Variants in PRKG1 observed in about 807,000 individuals in gnomAD.
The protein encoded by PRKG1 is protein kinase cGMP-dependent 1.
A neutral mutation model predicts 88.1 loss-of-function variants in PRKG1; 35 were observed. That is an observed-to-expected ratio of 0.40 (90% CI 0.30 to 0.53). PRKG1 has a LOEUF of 0.53. Ranked by LOEUF, PRKG1 falls within the 20% of genes least tolerant of loss-of-function variation. PRKG1 has a pLI of 0.59. For missense variants in PRKG1, 540 were observed against 839.8 expected, an observed-to-expected ratio of 0.64 and a Z score of 4.41; for synonymous variants, 303 against 292.5, an observed-to-expected ratio of 1.04 and a Z score of -0.37.
intron 3 of PRKG1, among the ~76,000 whole-genome samples, chr10:51,712,118 A>T (rs1446545454): frequency 6.6e-6 from 1 of 152,222 alleles, no homozygotes; most frequent in Non-Finnish European, 1.5e-5. Flanking sequence ...GCTAAGTTTG[A>T]TGAAGATTGG....
chr10:51,564,036 G>A (rs1718332025), intron 3 of PRKG1, among the ~76,000 whole-genome samples: 1 of 152,062 alleles, frequency 6.6e-6, no homozygotes, highest in African/African-American at 2.4e-5. Context: ...CTTTGATCAG[G>A]TCAGCTAAGA....
intron 3 of PRKG1, among the ~76,000 whole-genome samples, chr10:51,488,645 C>T (rs2132864843): frequency 6.6e-6 from 1 of 152,186 alleles, no homozygotes. Flanking sequence ...ATCTTTGAAT[C>T]TACTATCCAA....
At chr10:51,441,261 GCTCTTGTT>G (rs1480905313) in intron 2 of PRKG1, among the ~76,000 whole-genome samples, 2 of 151,868 alleles carry the variant, frequency 1.3e-5, no homozygotes, top group Non-Finnish European at 2.9e-5. Flanking sequence ...AGTCAGTTTT[GCTCTTGTT>G]CTCTCTGATA....
chr10:51,268,119 G>GT (rs1839884517), intron 2 of PRKG1, among the ~76,000 whole-genome samples: 1 of 152,142 alleles, frequency 6.6e-6, no homozygotes, highest in Non-Finnish European at 1.5e-5. Flanking sequence ...AAACCAGCAA[G>GT]TTTTTTTAGT....
chr10:51,808,148 AT>A (rs1373158968), intron 4 of PRKG1, among the ~76,000 whole-genome samples: 1 of 152,162 alleles, frequency 6.6e-6, no homozygotes, highest in Admixed American at 6.5e-5. Flanking sequence ...AATTACTTTT[AT>A]CTCCCTGTTT....
At chr10:51,418,058 G>A (rs143336584) in intron 2 of PRKG1, among the ~76,000 whole-genome samples, 87 of 152,238 alleles carry the variant, frequency 5.7e-4, no homozygotes, top group African/African-American at 6.3e-4. Flanking sequence ...AATGTTTATC[G>A]TTTTTATTCT....
intron 5 of PRKG1, among the ~76,000 whole-genome samples, chr10:52,048,808 C>G (rs73341279): frequency 1.1e-3 from 165 of 152,218 alleles, no homozygotes; most frequent in African/African-American, 3.9e-3. Flanking sequence ...CTTTCTCTAT[C>G]TATCCTCCTA....
chr10:51,004,749 G>GA lies in PRKG1; in HGVS notation c.266+13115dup, dbSNP rs529904706. Among the ~76,000 whole-genome samples the GA allele has an allele frequency of 2.6e-3, 385 of 147,998 alleles. 2 individuals carry two copies. The highest frequency in any genetic ancestry group is 7.9e-3 in the African/African-American group (319 of 40,496). The stretch of plus-strand genomic sequence containing the variant: ...GTGTGCCTGTGTGTGTGTTTAAGCT[G>GA]AAAAAAAAAATTAATTGCTACAGTG... On this transcript the variant is annotated intron_variant, in intron 1 of 17. Transcript: ENST00000401604.
At chr10:51,906,708 C>A (rs1010894175) in intron 4 of PRKG1, among the ~76,000 whole-genome samples, 1 of 152,144 alleles carries the variant, frequency 6.6e-6, no homozygotes, top group African/African-American at 2.4e-5. Flanking sequence ...TAAAAAGATG[C>A]CAGACTCTTA....
intron 3 of PRKG1, among the ~76,000 whole-genome samples, chr10:51,642,974 C>G (rs1839836037): frequency 6.6e-6 from 1 of 152,170 alleles, no homozygotes; most frequent in African/African-American, 2.4e-5. Context: ...TCTTAAATCT[C>G]TATTTCTAAA....
chr10:52,060,819 T>A (rs10443915), intron 6 of PRKG1, among the ~76,000 whole-genome samples: 32,375 of 151,688 alleles, frequency 0.21, 3,728 homozygotes, highest in South Asian at 0.27. Flanking sequence ...CTCTTACCCA[T>A]GGACACTAGA....
intron 7 of PRKG1, among the ~76,000 whole-genome samples, chr10:52,108,171 A>G (rs544861712): frequency 5.9e-5 from 9 of 152,228 alleles, no homozygotes; most frequent in Admixed American, 4.6e-4. Context: ...TATTGACTCC[A>G]GTTTTTCTGA....
At chr10:51,071,146 G>A (rs564654274), upstream of PRKG1, among the ~76,000 whole-genome samples, 7 of 152,286 alleles carry the variant, frequency 4.6e-5, no homozygotes, top group Admixed American at 2.6e-4. Context: ...CTGTTAAGAC[G>A]TAATTGCAGG....
intron 3 of PRKG1, among the ~76,000 whole-genome samples, chr10:51,484,883 G>A (rs61263422): frequency 0.023 from 3,447 of 152,206 alleles, 115 homozygotes; most frequent in African/African-American, 0.064. Context: ...TGTTAAGTAC[G>A]TCCAGATTCT....
intron 2 of PRKG1, among the ~76,000 whole-genome samples, chr10:51,275,733 A>G (rs1004258139): frequency 2.0e-5 from 3 of 152,184 alleles, no homozygotes; most frequent in Non-Finnish European, 2.9e-5. Context: ...TTTCAAAAAC[A>G]ACCAGAGTGA....
chr10:51,959,199 C>A (rs1433029058), intron 5 of PRKG1, among the ~76,000 whole-genome samples: 3 of 152,112 alleles, frequency 2.0e-5, no homozygotes, highest in Non-Finnish European at 4.4e-5. Flanking sequence ...ACTAGACACT[C>A]AACATGTTGT....
intron 1 of PRKG1, among the ~76,000 whole-genome samples, chr10:51,126,253 ATT>A (rs1491380794): frequency 1.2e-4 from 1 of 8,368 alleles, no homozygotes; most frequent in Non-Finnish European, 3.7e-4. Context: ...ATTTATAATT[ATT>A]TATATATTTA....
intron 3 of PRKG1, among the ~76,000 whole-genome samples, chr10:51,784,216 G>A (rs986186499): frequency 1.3e-5 from 2 of 152,004 alleles, no homozygotes; most frequent in African/African-American, 4.8e-5. Flanking sequence ...TTCTAATAAA[G>A]ATTAAATACA....
chr10:51,268,307 A>C (rs1343601833), intron 2 of PRKG1, among the ~76,000 whole-genome samples: 1 of 152,170 alleles, frequency 6.6e-6, no homozygotes, highest in Non-Finnish European at 1.5e-5. Context: ...GTTTGAGAGC[A>C]ACTGGTCTGA....
Sources: gnomAD v4.1 joint callset for allele counts (sites outside exome capture counted in the v4.1 genomes callset) on GRCh38, gnomAD v4.1.1 for gene constraint, MANE v1.5 for transcripts, NCBI Gene and HGNC (gene_info 2026-07-23, HGNC 2026-07-21) for gene names.